Variants in DAB2IP observed in about 807,000 individuals in gnomAD.
DAB2IP encodes disabled homolog 2-interacting protein.
A neutral mutation model predicts 107.2 loss-of-function variants in DAB2IP; 28 were observed. The ratio of observed to expected loss-of-function variants is 0.26; its 90% CI spans 0.19 to 0.36. The LOEUF is 0.36. DAB2IP is among the 10% of genes least tolerant of loss of function. The probability of loss-of-function intolerance (pLI) is 1.00; values close to 1 mark genes in which losing one functional copy is unlikely to be tolerated. For synonymous variants in DAB2IP, 755 were observed against 706.4 expected, an observed-to-expected ratio of 1.07 and a Z score of -1.09; for missense variants, 1,400 against 1,644.7, an observed-to-expected ratio of 0.85 and a Z score of 2.57.
At chr9:121,735,926 CGGGAACCTGG>C (rs975049343) in intron 3 of DAB2IP, among the ~76,000 whole-genome samples, 7 of 152,200 alleles carry the variant, frequency 4.6e-5, no homozygotes, top group African/African-American at 1.7e-4. Context: ...TGGGCGCAAT[CGGGAACCTGG>C]GCAGCTCACA....
chr9:121,586,016 C>A (rs1196883727), intron 1 of DAB2IP, among the ~76,000 whole-genome samples: 1 of 152,142 alleles, frequency 6.6e-6, no homozygotes, highest in East Asian at 1.9e-4. Flanking sequence ...CCTCTCCCTG[C>A]ATTTTTCTGC....
chr9:121,620,289 A>G (rs1589416678), intron 1 of DAB2IP, among the ~76,000 whole-genome samples: 1 of 146,420 alleles, frequency 6.8e-6, no homozygotes, highest in Admixed American at 6.8e-5. Context: ...GTTTGCTTCC[A>G]CCTGTTTACT....
intron 1 of DAB2IP, among the ~76,000 whole-genome samples, chr9:121,616,599 G>A (rs1451075146): frequency 6.6e-6 from 1 of 152,206 alleles, no homozygotes; most frequent in Admixed American, 6.5e-5. Flanking sequence ...TTATACGGAA[G>A]GTGTGTGGGT....
chr9:121,691,102 G>A (rs1017091703), intron 2 of DAB2IP, among the ~76,000 whole-genome samples: 2 of 152,158 alleles, frequency 1.3e-5, no homozygotes, highest in Admixed American at 6.5e-5. Flanking sequence ...GCCCCACAGA[G>A]CACTTTATCT....
chr9:121,770,910 G>T (rs960955188), intron 11 of DAB2IP, among the ~76,000 whole-genome samples, 186 bp downstream of exon 11: 1 of 151,618 alleles, frequency 6.6e-6, no homozygotes, highest in African/African-American at 2.4e-5. Context: ...AGCCTTCCTA[G>T]AGGAGGTGAT....
chr9:121,718,733 G>A (rs527595177), intron 3 of DAB2IP, among the ~76,000 whole-genome samples: 4 of 152,240 alleles, frequency 2.6e-5, no homozygotes, highest in South Asian at 4.1e-4. Flanking sequence ...AAGAGCAAGC[G>A]CAGGAGATGA....
rs1398735346 is a variant in DAB2IP, at chr9:121,702,968, G to T, written c.362+3510G>T. Among the ~76,000 whole-genome samples, 1 of 152,210 alleles carries T rather than the reference G, an allele frequency of 6.6e-6. No homozygotes were observed. Among genetic ancestry groups the T allele is most frequent in the African/African-American group, 2.4e-5 (1 of 41,446 alleles). The stretch of plus-strand genomic sequence containing the variant: ...CCCAGTCATCCTGGTGCGGAGCTTA[G>T]CTCATAAATGCAGGCAGCTCTGGGG... On this transcript the variant is annotated intron_variant, in intron 3 of 15. Coordinates refer to ENST00000408936, the Ensembl canonical transcript of DAB2IP. The surrounding 1 kb of genome is among the most constrained non-coding windows in gnomAD (Gnocchi z 4.5).
At chr9:121,568,700 T>C (rs1389243599) in intron 1 of DAB2IP, among the ~76,000 whole-genome samples, 3 of 152,126 alleles carry the variant, frequency 2.0e-5, no homozygotes, top group Non-Finnish European at 4.4e-5. Flanking sequence ...TTGGGATGCG[T>C]ATGGACTCAT....
At chr9:121,744,142 G>A (rs946065715) in intron 3 of DAB2IP, among the ~76,000 whole-genome samples, 1 of 152,186 alleles carries the variant, frequency 6.6e-6, no homozygotes, top group East Asian at 1.9e-4. Context: ...TTGGCTGGCT[G>A]GGTGGGGCTG....
intron 1 of DAB2IP, among the ~76,000 whole-genome samples, chr9:121,658,001 A>G (rs752581264): frequency 1.3e-5 from 2 of 152,134 alleles, no homozygotes; most frequent in Non-Finnish European, 2.9e-5. Context: ...ATCCCTTTGT[A>G]TCCTGTTTCG....
At chr9:121,652,962 G>A (rs1832813095) in intron 1 of DAB2IP, among the ~76,000 whole-genome samples, 1 of 152,116 alleles carries the variant, frequency 6.6e-6, no homozygotes, top group Non-Finnish European at 1.5e-5. Flanking sequence ...GCAGTCCAGG[G>A]CTTCCTCAGG....
At position 121,757,180 on chromosome 9, in the gene DAB2IP, CAG is replaced by C. The variant is rs760141808; in HGVS notation, c.516+15_516+16del. 67 of 1,612,728 alleles carry C rather than the reference CAG, an allele frequency of 4.2e-5. No individual in the cohort carries two copies. In the African/African-American group the frequency reaches 8.0e-4, roughly 19 times the overall value. The stretch of plus-strand genomic sequence containing the variant: ...TACTGCTTCGAGGTGGGTCCCATCA[CAG>C]GGGTTGGGGTGGACACCCCATCCTC... On this transcript the variant is annotated intron_variant, in intron 4 of 15. Coordinates refer to ENST00000408936, the Ensembl canonical transcript of DAB2IP.
chr9:121,642,279 C>T (rs936066411), intron 1 of DAB2IP, among the ~76,000 whole-genome samples: 19 of 150,552 alleles, frequency 1.3e-4, no homozygotes, highest in African/African-American at 3.7e-4. Context: ...CTCACTCTGT[C>T]GCCCAGGCTG....
rs751382771 is a variant in DAB2IP, at chr9:121,772,626, T to G, written c.2098T>G (p.Leu700Val). 1 of 1,613,642 alleles carries G rather than the reference T, an allele frequency of 6.2e-7. No homozygotes were observed. The highest frequency in any genetic ancestry group is 1.7e-5 in the Admixed American group (1 of 59,996). The change falls in exon 12 of 16, where the codon TTA becomes GTA. Residue 700 changes from leucine to valine, a missense_variant. Transcript: ENST00000408936. The surrounding 1 kb of genome is among the most constrained non-coding windows in gnomAD (Gnocchi z 4.7). ...CTGCAGTCTGATAGATTTCACCCGG[T>G]TACCGTCTCCAACCCCCGAAAACAA...
chr9:121,754,687 G>T (rs976848761), intron 3 of DAB2IP, among the ~76,000 whole-genome samples: 1 of 152,086 alleles, frequency 6.6e-6, no homozygotes, highest in Non-Finnish European at 1.5e-5. Flanking sequence ...GGAAGGGGAG[G>T]GCTCTGCAAC....
intron 1 of DAB2IP, among the ~76,000 whole-genome samples, chr9:121,571,576 G>A (rs1406912013): frequency 2.0e-5 from 3 of 152,096 alleles, no homozygotes; most frequent in Non-Finnish European, 2.9e-5. Flanking sequence ...CTGGGGGTGA[G>A]GCTCTGGACA....
At chr9:121,711,691 A>G (rs1830342215) in intron 3 of DAB2IP, among the ~76,000 whole-genome samples, 1 of 152,138 alleles carries the variant, frequency 6.6e-6, no homozygotes, top group Admixed American at 6.5e-5. Flanking sequence ...AGCAACAGGT[A>G]GTGGGTCATA....
chr9:121,613,564 G>A (rs781694394), intron 1 of DAB2IP, among the ~76,000 whole-genome samples: 1 of 152,108 alleles, frequency 6.6e-6, no homozygotes, highest in African/African-American at 2.4e-5. Flanking sequence ...TGAGAGGTTC[G>A]CTTCCTCTTA....
At chr9:121,582,886 A>C (rs1042786436) in intron 1 of DAB2IP, among the ~76,000 whole-genome samples, 2 of 152,202 alleles carry the variant, frequency 1.3e-5, no homozygotes, top group Non-Finnish European at 2.9e-5. Flanking sequence ...TCTTAGTGCA[A>C]TGGTGGCCAC....
Sources: gnomAD v4.1 joint callset for allele counts (sites outside exome capture counted in the v4.1 genomes callset) on GRCh38, gnomAD v4.1.1 for gene constraint, Gnocchi (gnomAD v3.1) non-coding constraint, MANE v1.5 for transcripts, NCBI Gene and HGNC (gene_info 2026-07-23, HGNC 2026-07-21) for gene names.